Variants in PPP1R13B observed in about 807,000 individuals in gnomAD.
PPP1R13B encodes protein phosphatase 1 regulatory subunit 13B, also known as apoptosis-stimulating of p53 protein 1.
PPP1R13B carries 44 observed loss-of-function variants against 119.8 expected under a neutral mutation model. The ratio of observed to expected loss-of-function variants is 0.37; its 90% CI spans 0.29 to 0.47. The LOEUF (loss-of-function observed/expected upper bound fraction) is 0.47. Ranked by LOEUF, PPP1R13B falls within the 20% of genes least tolerant of loss-of-function variation. The pLI, the probability that PPP1R13B is intolerant of heterozygous loss-of-function variation, is 0.99. For synonymous variants in PPP1R13B, 542 were observed against 561.5 expected (o/e 0.97, Z 0.49); for missense variants, 1,227 against 1,413.5 (o/e 0.87, Z 2.12).
At chr14:103,810,813 G>A (rs1023787379) in intron 1 of PPP1R13B, among the ~76,000 whole-genome samples, 1 of 151,498 alleles carries the variant, frequency 6.6e-6, no homozygotes, top group Non-Finnish European at 1.5e-5. Flanking sequence ...TTGAGGCTAG[G>A]TGTGGTGGCT....
chr14:103,745,641 T>A (rs1280221400), intron 9 of PPP1R13B, among the ~76,000 whole-genome samples: 1 of 152,168 alleles, frequency 6.6e-6, no homozygotes, highest in East Asian at 1.9e-4. Context: ...AAACCAACGA[T>A]GTGTGGACTT....
rs772902772 is a variant in PPP1R13B at position 103,736,011 on chromosome 14, G to C, written c.3223C>G (p.Leu1075Val). 5 of 1,614,160 alleles carry C rather than the reference G, an allele frequency of 3.1e-6. No homozygotes were observed. The highest frequency in any genetic ancestry group is 4.2e-6 in the Non-Finnish European group (5 of 1,180,016). The change falls in exon 16 of 17, where the codon CTG (leucine) becomes GTG (valine). Residue 1075 changes from leucine (L) to valine (V), a missense_variant. By Grantham distance (32) the Leu-to-Val change is conservative (BLOSUM62 1). Coordinates refer to ENST00000202556, the MANE Select transcript of PPP1R13B (RefSeq NM_015316.3). Reference sequence around the variant, plus strand: ...GTAACCTGAGTGCTCACCCCCAGCAGGTTTTTGGGCACATAGCCCTCCCGG... The same window carrying C: ...GTAACCTGAGTGCTCACCCCCAGCACGTTTTTGGGCACATAGCCCTCCCGG... ...GDREGYVPKN[L>V]LGLYPRIKPR...
intron 1 of PPP1R13B, among the ~76,000 whole-genome samples, chr14:103,809,641 C>T (rs1297614726): frequency 3.3e-5 from 5 of 151,788 alleles, no homozygotes; most frequent in East Asian, 2.0e-4. Context: ...GGCAACATGG[C>T]GAAACCCTAT....
chr14:103,778,952 AGT>A, intron 3 of PPP1R13B, 131 bp from the exon 4 acceptor site: 1 of 717,120 alleles, frequency 1.4e-6, no homozygotes, highest in Admixed American at 2.8e-5. Flanking sequence ...TCAAGACTTT[AGT>A]ACAGTTGAAA....
intron 7 of PPP1R13B, 96 bp downstream of exon 7, chr14:103,752,904 A>G (rs1418778725): frequency 1.6e-5 from 21 of 1,285,622 alleles, no homozygotes; most frequent in Non-Finnish European, 2.2e-5. Flanking sequence ...AGAATCTACT[A>G]ATTTGTTTCC....
rs1329133598 is a variant in PPP1R13B at position 103,847,388 on chromosome 14, T to G, written c.-81A>C. 9.4e-7 allele frequency: 1 copy of G among 1,060,706 alleles called. No individual in the cohort carries two copies. Among genetic ancestry groups the G allele is most frequent in the Non-Finnish European group, 1.1e-6 (1 of 879,338 alleles). 65.7% of individuals were successfully genotyped at this position (1,060,706 alleles called of 1,614,324 possible). ...AGCTGTGCCCACCGCTCCGGCCGCC[T>G]CCTAAGGCCGCGCTCCCGCCGCCGT... On this transcript the variant is annotated 5_prime_UTR_variant, in exon 1 of 17. Coordinates refer to ENST00000202556, the MANE Select transcript of PPP1R13B (RefSeq NM_015316.3).
intron 1 of PPP1R13B, among the ~76,000 whole-genome samples, chr14:103,798,240 C>T (rs2085808588): frequency 6.7e-6 from 1 of 149,146 alleles, no homozygotes; most frequent in Admixed American, 6.8e-5. Flanking sequence ...CAAGCTCTGC[C>T]TCCCGGGTTC....
upstream of PPP1R13B, chr14:103,848,527 C>T (rs2087128609): frequency 1.0e-6 from 1 of 979,952 alleles, no homozygotes; most frequent in South Asian, 4.7e-5. Context: ...GACAGGGGGA[C>T]TGAGGTGCTC....
At chr14:103,847,205 C>T (rs969684789) in intron 1 of PPP1R13B, 94 bp downstream of exon 1, 55 of 1,044,950 alleles carry the variant, frequency 5.3e-5, no homozygotes, top group Non-Finnish European at 6.3e-5. Context: ...CGGCCTCGCA[C>T]CGGCCCGCGG....
chr14:103,843,504 G>A (rs985946489), intron 1 of PPP1R13B, among the ~76,000 whole-genome samples: 3 of 152,084 alleles, frequency 2.0e-5, no homozygotes, highest in Non-Finnish European at 2.9e-5. Flanking sequence ...AGATCTTAGG[G>A]ACTAAACAAA....
chr14:103,814,626 G>A (rs781040970), intron 1 of PPP1R13B, among the ~76,000 whole-genome samples: 14 of 152,038 alleles, frequency 9.2e-5, no homozygotes, highest in East Asian at 7.7e-4. Flanking sequence ...GCAACTTGAC[G>A]AGACCACATC....
chr14:103,784,478 G>A (rs1458802987), intron 3 of PPP1R13B, among the ~76,000 whole-genome samples: 2 of 150,328 alleles, frequency 1.3e-5, no homozygotes, highest in African/African-American at 4.9e-5. Flanking sequence ...AGCTACTTGG[G>A]AGGCTAAGGC....
At chr14:103,797,340 T>C (rs1281866326) in intron 2 of PPP1R13B, 31 bp downstream of exon 2, 7 of 1,552,552 alleles carry the variant, frequency 4.5e-6, no homozygotes, top group Non-Finnish European at 5.2e-6. Context: ...ATTTTATCAA[T>C]GTAACAATCT....
chr14:103,766,862 T>C (rs1000036713), intron 4 of PPP1R13B, among the ~76,000 whole-genome samples: 19 of 152,178 alleles, frequency 1.2e-4, no homozygotes, highest in Non-Finnish European at 1.5e-5. Flanking sequence ...GATCAAAAAA[T>C]GATCAAACAT....
chr14:103,815,425 G>C (rs1011601330), intron 1 of PPP1R13B, among the ~76,000 whole-genome samples: 2 of 152,152 alleles, frequency 1.3e-5, no homozygotes, highest in Non-Finnish European at 2.9e-5. Flanking sequence ...GAATGTTATT[G>C]TATGTGAATT....
intron 1 of PPP1R13B, 151 bp downstream of exon 1, chr14:103,847,148 C>A (rs1031450503): frequency 1.0e-6 from 1 of 981,490 alleles, no homozygotes; most frequent in South Asian, 4.6e-5. Flanking sequence ...GCCTGGGGGG[C>A]GCCGCGGCCG....
intron 5 of PPP1R13B, among the ~76,000 whole-genome samples, chr14:103,755,394 C>T (rs2084652993): frequency 6.6e-6 from 1 of 152,236 alleles, no homozygotes; most frequent in South Asian, 2.1e-4. Context: ...AAGGAAGTGT[C>T]TGCTTCTTCA....
chr14:103,788,063 T>G (rs1385913368), intron 2 of PPP1R13B, among the ~76,000 whole-genome samples: 1 of 150,986 alleles, frequency 6.6e-6, no homozygotes, highest in Non-Finnish European at 1.5e-5. Flanking sequence ...CAGTAAGCCA[T>G]GACTGCACAA....
At chr14:103,800,719 A>G (rs1386254526) in intron 1 of PPP1R13B, among the ~76,000 whole-genome samples, 1 of 152,136 alleles carries the variant, frequency 6.6e-6, no homozygotes, top group African/African-American at 2.4e-5. Context: ...CTAAATTCCT[A>G]CATTCTGAAA....
Sources: allele counts gnomAD v4.1 joint callset (sites outside exome capture counted in the v4.1 genomes callset), GRCh38; gene constraint gnomAD v4.1.1; transcripts MANE v1.5; gene names NCBI Gene and HGNC (gene_info 2026-07-23, HGNC 2026-07-21).